The following RAB27A variants were observed in gnomAD, a reference collection of about 807,000 sequenced individuals.
The protein encoded by RAB27A is ras-related protein Rab-27A.
A neutral mutation model predicts 20.8 loss-of-function variants in RAB27A; 17 were observed. That is an observed-to-expected ratio of 0.82 (90% CI 0.56 to 1.23). RAB27A has a LOEUF of 1.23. Ranked by LOEUF, RAB27A falls within the 50% of genes most tolerant of loss-of-function variation. RAB27A has a pLI of 0.00. For missense variants in RAB27A, 277 were observed against 266.7 expected, an observed-to-expected ratio of 1.04 and a Z score of -0.27; for synonymous variants, 85 against 92.8, an observed-to-expected ratio of 0.92 and a Z score of 0.48.
chr15:55,303,420 G>A (rs1157500535), intron 2 of RAB27A, among the ~76,000 whole-genome samples: 4 of 55,740 alleles, frequency 7.2e-5, no homozygotes, highest in Admixed American at 1.4e-4. Context: ...CAGCCGCCCC[G>A]TCCGGGAGGG....
intron 2 of RAB27A, among the ~76,000 whole-genome samples, chr15:55,268,298 ATTG>A (rs1897578912): frequency 1.3e-5 from 2 of 152,172 alleles, no homozygotes; most frequent in South Asian, 4.1e-4. Context: ...AGAAAACAGT[ATTG>A]TTTGGTCACC....
intron 1 of RAB27A, chr15:55,317,925 G>C (rs2055064991): frequency 5.2e-6 from 2 of 384,214 alleles, no homozygotes; most frequent in African/African-American, 2.1e-5. Flanking sequence ...TTTAAAAGAT[G>C]TTATGTCACT....
At position 55,242,325 on chromosome 15, in the gene RAB27A, T is replaced by C. The variant is rs141213691; in HGVS notation, c.-22-7369A>G. ...ATACCATATAGAGACTGATGTTTTC[T>C]CAGTGTGATGGCAAATAGGCTTGAG... On this transcript the variant is annotated intron_variant, in intron 2 of 6. Transcript: ENST00000336787. 6.4e-4 allele frequency among the ~76,000 whole-genome samples: 98 copies of C among 152,322 alleles called. 1 individual carries two copies. In the East Asian group the frequency reaches 0.018, roughly 28 times the overall value.
intron 2 of RAB27A, among the ~76,000 whole-genome samples, chr15:55,240,920 T>C (rs947782824): frequency 6.6e-6 from 1 of 152,336 alleles, no homozygotes; most frequent in East Asian, 1.9e-4. Context: ...CAAGAATGCA[T>C]CATCAATATA....
chr15:55,239,176 A>T (rs1896382627), intron 2 of RAB27A, among the ~76,000 whole-genome samples: 1 of 152,190 alleles, frequency 6.6e-6, no homozygotes, highest in African/African-American at 2.4e-5. Flanking sequence ...CTTTCAATTG[A>T]GTCACACTGG....
chr15:55,210,208 C>CAT (rs1339181588), intron 6 of RAB27A, among the ~76,000 whole-genome samples: 23 of 87,276 alleles, frequency 2.6e-4, no homozygotes, highest in Admixed American at 3.7e-4. Flanking sequence ...TACATACACA[C>CAT]ATGTATGTGT....
At chr15:55,236,925 C>T (rs564410603) in intron 2 of RAB27A, among the ~76,000 whole-genome samples, 3 of 152,288 alleles carry the variant, frequency 2.0e-5, no homozygotes, top group South Asian at 2.1e-4. Context: ...CCCTAGTCTA[C>T]TGTTGAACAT....
At chr15:55,234,130 A>G (rs926626140) in intron 3 of RAB27A, among the ~76,000 whole-genome samples, 1 of 152,232 alleles carries the variant, frequency 6.6e-6, no homozygotes, top group Non-Finnish European at 1.5e-5. Flanking sequence ...TTTTTCAACA[A>G]GAAATGTAGT....
chr15:55,314,591 T>G (rs865803359), intron 1 of RAB27A, among the ~76,000 whole-genome samples: 2 of 152,348 alleles, frequency 1.3e-5, no homozygotes, highest in Non-Finnish European at 2.9e-5. Context: ...AAAATCAATG[T>G]GCAAAAATCA....
At position 55,204,704 on chromosome 15, in the gene RAB27A, T is replaced by C. The variant is rs1202307434; in HGVS notation, c.*803A>G. ...GCTATGTTCAGGTGCGGCCAGCACA[T>C]AGGCCAAGTATAAATGTACAATCAC... On this transcript the variant is annotated 3_prime_UTR_variant, in exon 7 of 7. Coordinates refer to ENST00000336787, the MANE Select transcript of RAB27A (RefSeq NM_183235.3). The C allele has an allele frequency of 1.3e-5, 2 of 152,214 alleles. No homozygotes were observed. Among genetic ancestry groups the C allele is most frequent in the East Asian group, 1.9e-4 (1 of 5,200 alleles). 9.4% of individuals were successfully genotyped at this position (152,214 alleles called of 1,614,324 possible).
intron 6 of RAB27A, among the ~76,000 whole-genome samples, chr15:55,211,706 C>T (rs1236279247): frequency 6.6e-6 from 1 of 152,052 alleles, no homozygotes; most frequent in African/African-American, 2.4e-5. Context: ...GGCAAGAAGG[C>T]CCAGAAAAGT....
At chr15:55,308,938 G>A (rs1566941680) in intron 2 of RAB27A, among the ~76,000 whole-genome samples, 1 of 152,156 alleles carries the variant, frequency 6.6e-6, no homozygotes, top group Admixed American at 6.5e-5. Flanking sequence ...CCTTATTCAG[G>A]TATGCCACGG....
chr15:55,305,388 T>C (rs1320794681), intron 2 of RAB27A, among the ~76,000 whole-genome samples: 2 of 152,232 alleles, frequency 1.3e-5, no homozygotes, highest in Admixed American at 6.5e-5. Flanking sequence ...GGGTCCACGG[T>C]AGATCTTAGT....
At chr15:55,209,752 G>A (rs1006678621) in intron 6 of RAB27A, among the ~76,000 whole-genome samples, 11 of 137,958 alleles carry the variant, frequency 8.0e-5, no homozygotes, top group Admixed American at 6.9e-4. Context: ...ACATATATAT[G>A]TGTATGTGTG....
At chr15:55,232,427 C>T (rs1292404363) in intron 3 of RAB27A, among the ~76,000 whole-genome samples, 3 of 151,954 alleles carry the variant, frequency 2.0e-5, no homozygotes, top group Admixed American at 2.0e-4. Context: ...TTCAGCAAAA[C>T]GTATAAGACA....
intron 5 of RAB27A, among the ~76,000 whole-genome samples, chr15:55,227,645 T>C (rs528508781): frequency 6.6e-6 from 1 of 152,290 alleles, no homozygotes; most frequent in South Asian, 2.1e-4. Flanking sequence ...TCAATGTCCT[T>C]CTCCTGAAAT....
At chr15:55,214,848 A>C (rs548292653) in intron 6 of RAB27A, among the ~76,000 whole-genome samples, 3 of 152,266 alleles carry the variant, frequency 2.0e-5, no homozygotes, top group Admixed American at 6.5e-5. Flanking sequence ...AATCCTGGGG[A>C]TAGCTTGTGA....
intron 1 of RAB27A, among the ~76,000 whole-genome samples, chr15:55,285,702 T>C (rs1020342875): frequency 5.3e-5 from 8 of 152,212 alleles, no homozygotes; most frequent in East Asian, 1.9e-4. Context: ...AATCTTGTTT[T>C]AGCGATGGCA....
At chr15:55,217,785 T>G (rs1193193740) in intron 6 of RAB27A, among the ~76,000 whole-genome samples, 1 of 150,032 alleles carries the variant, frequency 6.7e-6, no homozygotes, top group Non-Finnish European at 1.5e-5. Context: ...AGCACCACCA[T>G]GGAGCCGTAT....
Sources: allele counts gnomAD v4.1 joint callset (sites outside exome capture counted in the v4.1 genomes callset), GRCh38; gene constraint gnomAD v4.1.1; transcripts MANE v1.5; gene names NCBI Gene and HGNC (gene_info 2026-07-23, HGNC 2026-07-21).